Variants in TMEM38B observed in about 807,000 individuals in gnomAD.
The protein encoded by TMEM38B is trimeric intracellular cation channel type B.
Under a neutral mutation model 28.7 loss-of-function variants are expected in TMEM38B, and 24 were observed. That is an observed-to-expected ratio of 0.84 (90% confidence interval 0.61 to 1.18). The LOEUF (loss-of-function observed/expected upper bound fraction) is 1.18, where lower values mean the gene tolerates loss of function less well. TMEM38B is among the 50% of genes most tolerant of loss of function. The pLI, the probability that TMEM38B is intolerant of heterozygous loss-of-function variation, is 0.00. For synonymous variants in TMEM38B, 131 were observed against 127.7 expected (o/e 1.03, Z -0.17); for missense variants, 380 against 350.9 (o/e 1.08, Z -0.66).
chr9:105,734,505 C>T (rs1340606303), intron 4 of TMEM38B, among the ~76,000 whole-genome samples: 1 of 151,942 alleles, frequency 6.6e-6, no homozygotes. Context: ...TTAATGCTTT[C>T]TCTGGTTGAT....
intron 2 of TMEM38B, among the ~76,000 whole-genome samples, chr9:105,709,309 G>C (rs1326076323): frequency 6.6e-6 from 1 of 152,046 alleles, no homozygotes; most frequent in Non-Finnish European, 1.5e-5. Context: ...GTTTATTACA[G>C]ATTAAAACAA....
At chr9:105,748,907 A>G (rs1355568533) in intron 5 of TMEM38B, among the ~76,000 whole-genome samples, 3 of 152,208 alleles carry the variant, frequency 2.0e-5, no homozygotes, top group African/African-American at 7.2e-5. Context: ...ATTTTGTAAT[A>G]AGATTATTAT....
At chr9:105,744,913 G>T (rs1409406057) in intron 4 of TMEM38B, among the ~76,000 whole-genome samples, 2 of 152,156 alleles carry the variant, frequency 1.3e-5, no homozygotes, top group African/African-American at 4.8e-5. Context: ...CAAAGGACAT[G>T]AACTGATCAT....
intron 5 of TMEM38B, among the ~76,000 whole-genome samples, chr9:105,748,763 T>C (rs1837531529): frequency 6.6e-6 from 1 of 152,160 alleles, no homozygotes; most frequent in Admixed American, 6.5e-5. Context: ...TTGAGAGGAT[T>C]GGAGAGGATG....
chr9:105,717,133 A>T (rs1196105847), intron 2 of TMEM38B, among the ~76,000 whole-genome samples: 1 of 152,196 alleles, frequency 6.6e-6, no homozygotes, highest in African/African-American at 2.4e-5. Context: ...GTATGCAGCC[A>T]CTACCATCTT....
chr9:105,770,372 C>T (rs976933674), intron 5 of TMEM38B, among the ~76,000 whole-genome samples: 18 of 152,120 alleles, frequency 1.2e-4, no homozygotes, highest in African/African-American at 3.9e-4. Flanking sequence ...TATTTGTTGA[C>T]TGACTAATAA....
intron 5 of TMEM38B, among the ~76,000 whole-genome samples, chr9:105,755,895 A>G (rs1210151726): frequency 6.6e-6 from 1 of 152,210 alleles, no homozygotes; most frequent in African/African-American, 2.4e-5. Flanking sequence ...GTATCCTGCA[A>G]CCTTGCTGAA....
chr9:105,756,962 G>A (rs1837855952), intron 5 of TMEM38B, among the ~76,000 whole-genome samples: 1 of 151,926 alleles, frequency 6.6e-6, no homozygotes, highest in Non-Finnish European at 1.5e-5. Flanking sequence ...TTGGTTACAT[G>A]GATAAGTTCT....
At chr9:105,759,807 G>C (rs1837968720) in intron 5 of TMEM38B, 2 of 1,607,800 alleles carry the variant, frequency 1.2e-6, no homozygotes, top group African/African-American at 1.3e-5. Context: ...AAGAGGAGTT[G>C]TGTAATGGGA....
chr9:105,698,450 T>G (rs542473176), intron 1 of TMEM38B, among the ~76,000 whole-genome samples: 2 of 152,302 alleles, frequency 1.3e-5, no homozygotes, highest in East Asian at 3.9e-4. Context: ...GAAGGTGACA[T>G]ATTTTATCAA....
chr9:105,770,549 C>G (rs1178488900), intron 5 of TMEM38B, among the ~76,000 whole-genome samples: 2 of 151,550 alleles, frequency 1.3e-5, no homozygotes, highest in Non-Finnish European at 2.9e-5. Flanking sequence ...TTTTTTTTTA[C>G]ATTTGTAAAA....
chr9:105,743,703 C>T (rs1837287830), intron 4 of TMEM38B, among the ~76,000 whole-genome samples: 1 of 152,164 alleles, frequency 6.6e-6, no homozygotes, highest in Non-Finnish European at 1.5e-5. Context: ...TACATCTCTC[C>T]TCTTCCATAG....
intron 5 of TMEM38B, among the ~76,000 whole-genome samples, chr9:105,768,297 G>A (rs1826441875): frequency 6.6e-6 from 1 of 151,982 alleles, no homozygotes; most frequent in Admixed American, 6.5e-5. Flanking sequence ...GTCATGATGC[G>A]GTATCCTTTT....
Position 105,776,321 on chromosome 9 carries a change from G to T in TMEM38B, c.*2241G>T, listed in dbSNP as rs1245888380. 6.6e-6 allele frequency: 1 copy of T among 152,170 alleles called. No individual in the cohort carries two copies. Among genetic ancestry groups the T allele is most frequent in the Non-Finnish European group, 1.5e-5 (1 of 68,042 alleles). The allele number at this position is 152,170 out of a possible 1,614,324, so 9.4% of individuals were successfully genotyped here. On this transcript the variant is annotated 3_prime_UTR_variant, in exon 6 of 6. Transcript: ENST00000374692. ...ATCAGATTAGTCACTCTTCCTTACT[G>T]AGGGAGTATCAAGTAAGGGCTGGAG... is the stretch of plus-strand genomic sequence containing the variant.
intron 4 of TMEM38B, among the ~76,000 whole-genome samples, chr9:105,724,224 G>A (rs904620791): frequency 5.9e-5 from 9 of 152,186 alleles, no homozygotes; most frequent in African/African-American, 2.2e-4. Flanking sequence ...CATAATTCAA[G>A]AAGGAAAAGA....
chr9:105,771,796 TATG>T (rs1826553752), intron 5 of TMEM38B, among the ~76,000 whole-genome samples: 1 of 152,234 alleles, frequency 6.6e-6, no homozygotes, highest in East Asian at 1.9e-4. Context: ...CTTTCGCTTG[TATG>T]ATAAATGACT....
At chr9:105,729,353 C>T (rs1836645069) in intron 4 of TMEM38B, among the ~76,000 whole-genome samples, 1 of 152,090 alleles carries the variant, frequency 6.6e-6, no homozygotes, top group South Asian at 2.1e-4. Context: ...TTCTCCATTG[C>T]TTGTTTTTCT....
intron 4 of TMEM38B, among the ~76,000 whole-genome samples, chr9:105,747,525 C>A (rs1296786633): frequency 6.6e-6 from 1 of 152,122 alleles, no homozygotes; most frequent in South Asian, 2.1e-4. Context: ...TTCAAAAAAA[C>A]AGCTCCTGGA....
In TMEM38B at chr9:105,760,432, G is replaced by GA. The variant is rs145569514; in HGVS notation, c.660+12246dup. On this transcript the variant is annotated intron_variant, in intron 5 of 5. Transcript: ENST00000374692. The stretch of plus-strand genomic sequence containing the variant: ...TGAATACTTAAAAAAGGGACATATT[G>GA]AAAATCCTGGAGATGGACTATTTGT... 835 of 740,140 alleles carry GA rather than the reference G, an allele frequency of 1.1e-3. 4 individuals carry two copies. In the African/African-American group the frequency reaches 0.013, roughly 12 times the overall value. The allele number at this position is 740,140 out of a possible 1,614,324, so 45.8% of individuals were successfully genotyped here.
Sources: allele counts gnomAD v4.1 joint callset (sites outside exome capture counted in the v4.1 genomes callset), GRCh38; gene constraint gnomAD v4.1.1; transcripts MANE v1.5; gene names NCBI Gene and HGNC (gene_info 2026-07-23, HGNC 2026-07-21).